CYRIB: variants seen among roughly 807,000 people sequenced by gnomAD.
CYRIB encodes the protein CYFIP related Rac1 interactor B.
In CYRIB, 8 loss-of-function variants were observed where a neutral mutation model predicts 44.2. The ratio of observed to expected loss-of-function variants is 0.18; its 90% CI spans 0.11 to 0.33. The LOEUF is 0.33. Ranked by LOEUF, CYRIB falls within the 10% of genes least tolerant of loss-of-function variation. The pLI is 1.00. For synonymous variants in CYRIB, 131 were observed against 127.2 expected, an observed-to-expected ratio of 1.03 and a Z score of -0.20; for missense variants, 185 against 382.8, an observed-to-expected ratio of 0.48 and a Z score of 4.31.
chr8:129,898,731 T>C (rs752960712), intron 2 of CYRIB, among the ~76,000 whole-genome samples: 10 of 152,354 alleles, frequency 6.6e-5, no homozygotes, highest in Non-Finnish European at 1.2e-4. Flanking sequence ...TTTAAAGATA[T>C]GTACTTGAAT....
intron 2 of CYRIB, among the ~76,000 whole-genome samples, chr8:129,884,178 T>A (rs892106282): frequency 2.0e-5 from 3 of 152,200 alleles, no homozygotes; most frequent in Non-Finnish European, 4.4e-5. Context: ...CTAGTTTTTT[T>A]AAACTAATAC....
At chr8:129,886,743 A>G (rs2062925500) in intron 2 of CYRIB, among the ~76,000 whole-genome samples, 1 of 151,958 alleles carries the variant, frequency 6.6e-6, no homozygotes. Context: ...ATCTGCCCTG[A>G]CACTCCCCTC....
At chr8:129,862,427 C>A in intron 4 of CYRIB, 93 bp from the exon 7 acceptor site, 1 of 986,520 alleles carries the variant, frequency 1.0e-6, no homozygotes, top group Non-Finnish European at 1.5e-6. Flanking sequence ...ACATAGGAAA[C>A]ACTGGTATAA....
chr8:129,901,060 T>C (rs899225351), intron 2 of CYRIB, among the ~76,000 whole-genome samples: 1 of 152,170 alleles, frequency 6.6e-6, no homozygotes, highest in Non-Finnish European at 1.5e-5. Flanking sequence ...CTACTCTCTT[T>C]CTCCACAAAA....
chr8:129,966,752 G>A (rs1183806687), intron 2 of CYRIB, among the ~76,000 whole-genome samples: 1 of 152,116 alleles, frequency 6.6e-6, no homozygotes, highest in African/African-American at 2.4e-5. Flanking sequence ...GGCCCAGGCT[G>A]GAGTGCAGAG....
At chr8:129,975,276 A>G (rs2095869796) in intron 1 of CYRIB, among the ~76,000 whole-genome samples, 1 of 152,132 alleles carries the variant, frequency 6.6e-6, no homozygotes, top group Non-Finnish European at 1.5e-5. Context: ...TCGGCCTCCC[A>G]AAGTGCTGGG....
intron 9 of CYRIB, chr8:129,850,571 T>TAGAA (rs2042741617): frequency 2.3e-6 from 1 of 442,252 alleles, no homozygotes; most frequent in African/African-American, 2.1e-5. Context: ...ACTTCTGTTC[T>TAGAA]GAGAAGAGAA....
At chr8:130,016,029 C>T (rs1238241023) in intron 1 of CYRIB, among the ~76,000 whole-genome samples, 3 of 151,810 alleles carry the variant, frequency 2.0e-5, no homozygotes, top group African/African-American at 7.2e-5. Flanking sequence ...GACCCGAGCG[C>T]CCCCTGCCTC....
intron 1 of CYRIB, among the ~76,000 whole-genome samples, chr8:129,997,918 C>T (rs897758048): frequency 9.2e-5 from 14 of 151,912 alleles, no homozygotes; most frequent in South Asian, 4.1e-4. Context: ...GTCAAGAGAT[C>T]GAGACCATCC....
At chr8:129,998,289 G>A (rs534669022) in intron 1 of CYRIB, among the ~76,000 whole-genome samples, 6 of 152,190 alleles carry the variant, frequency 3.9e-5, no homozygotes, top group Admixed American at 6.5e-5. Context: ...CTTCCAAGTC[G>A]GTACCTGGGT....
intron 1 of CYRIB, among the ~76,000 whole-genome samples, chr8:129,934,087 G>T (rs577013501): frequency 1.3e-5 from 2 of 152,228 alleles, no homozygotes; most frequent in East Asian, 1.9e-4. Context: ...CTGATTAGAG[G>T]ATTTGACAAA....
chr8:129,890,907 A>T (rs12548781), intron 2 of CYRIB, among the ~76,000 whole-genome samples: 26,043 of 148,514 alleles, frequency 0.18, 2,712 homozygotes, highest in Middle Eastern at 0.3. Flanking sequence ...GATAAAATTT[A>T]AAAAAAAAAA....
intron 1 of CYRIB, among the ~76,000 whole-genome samples, chr8:129,934,292 C>T (rs1409167768): frequency 6.6e-6 from 1 of 152,168 alleles, no homozygotes; most frequent in Non-Finnish European, 1.5e-5. Flanking sequence ...GGTCAGCTTA[C>T]ACTCAATGAC....
At chr8:129,950,573 A>G (rs1040680820) in intron 2 of CYRIB, among the ~76,000 whole-genome samples, 5 of 136,618 alleles carry the variant, frequency 3.7e-5, no homozygotes, top group African/African-American at 1.7e-4. Context: ...ATCTCAAAGA[A>G]AAAAAAAAAA....
intron 1 of CYRIB, among the ~76,000 whole-genome samples, chr8:129,995,788 CCCGAGGA>C (rs2096751070): frequency 1.3e-5 from 2 of 152,214 alleles, no homozygotes; most frequent in South Asian, 4.1e-4. Context: ...CAGCCACCAG[CCCGAGGA>C]CCGTGGTCCA....
chr8:129,993,457 G>A (rs2096688317), intron 1 of CYRIB, among the ~76,000 whole-genome samples: 1 of 151,990 alleles, frequency 6.6e-6, no homozygotes, highest in Non-Finnish European at 1.5e-5. Context: ...AGCACTTTGG[G>A]AGGCCAAGGC....
chr8:129,967,534 CAT>C, intron 2 of CYRIB, among the ~76,000 whole-genome samples: 1 of 152,106 alleles, frequency 6.6e-6, no homozygotes, highest in Non-Finnish European at 1.5e-5. Flanking sequence ...CGCCTGCCAC[CAT>C]GCCCGGCTAA....
chr8:129,988,909 C>A (rs772816190), intron 1 of CYRIB, among the ~76,000 whole-genome samples: 20 of 152,044 alleles, frequency 1.3e-4, no homozygotes, highest in Non-Finnish European at 2.1e-4. Context: ...ATCATTGCAA[C>A]GTTGGGAGAG....
At chr8:129,883,845 C>A (rs749561605) in intron 2 of CYRIB, among the ~76,000 whole-genome samples, 1 of 147,990 alleles carries the variant, frequency 6.8e-6, no homozygotes, top group Non-Finnish European at 1.5e-5. Flanking sequence ...TTCCTAAAAT[C>A]ATTAAATGGG....
Sources: allele counts gnomAD v4.1 joint callset (sites outside exome capture counted in the v4.1 genomes callset), GRCh38; gene constraint gnomAD v4.1.1; transcripts MANE v1.5; gene names NCBI Gene and HGNC (gene_info 2026-07-23, HGNC 2026-07-21).